Variants in NEDD1 observed in about 807,000 individuals in gnomAD.
NEDD1 encodes the protein NEDD1 gamma-tubulin ring complex targeting factor, also known as protein NEDD1.
NEDD1 carries 33 observed loss-of-function variants against 74.0 expected under a neutral mutation model. The ratio of observed to expected loss-of-function variants is 0.45; its 90% confidence interval spans 0.34 to 0.60. The LOEUF (loss-of-function observed/expected upper bound fraction) is 0.60. NEDD1 is among the 20% of genes least tolerant of loss of function. NEDD1 has a pLI of 0.01. For missense variants in NEDD1, 746 were observed against 776.5 expected, an observed-to-expected ratio of 0.96 and a Z score of 0.47; for synonymous variants, 250 against 264.4, an observed-to-expected ratio of 0.95 and a Z score of 0.53.
intron 6 of NEDD1, among the ~76,000 whole-genome samples, chr12:96,925,412 C>T (rs1328033913): frequency 6.6e-6 from 1 of 152,146 alleles, no homozygotes; most frequent in Non-Finnish European, 1.5e-5. Flanking sequence ...TTGCTACTAA[C>T]TTGTGAGGTA....
chr12:96,942,460 A>G lies in NEDD1; in HGVS notation c.1247-117A>G, dbSNP rs947361681. ...TATTCTCCTACCTTTAACATCACTCATATTTAGCTTTTTAAGATTGTTAGT... is the reference window on the plus strand; with the variant it reads ...TATTCTCCTACCTTTAACATCACTCGTATTTAGCTTTTTAAGATTGTTAGT... On this transcript the variant is annotated intron_variant, in intron 10 of 15. Coordinates refer to ENST00000266742, the MANE Select transcript of NEDD1 (RefSeq NM_152905.4). The G allele has an allele frequency of 8.4e-5, 56 of 664,546 alleles. No individual in the cohort carries two copies. In the Admixed American group the frequency reaches 1.4e-3, roughly 16 times the overall value. The allele number at this position is 664,546 out of a possible 1,614,324, so 41.2% of individuals were successfully genotyped here. A position where few individuals can be genotyped will look rare whatever the true frequency, so the allele number is the denominator to read the frequency against.
chr12:96,940,557 C>A lies in NEDD1; in HGVS notation c.1246+20C>A. On this transcript the variant is annotated intron_variant, in intron 10 of 15. Transcript: ENST00000266742. ...GAGATGGTAAGTCTGTTCAGAGGATCCTGTTCTCTTGCTGGTAGTTAATAT... is the reference window on the plus strand; with the variant it reads ...GAGATGGTAAGTCTGTTCAGAGGATACTGTTCTCTTGCTGGTAGTTAATAT... The A allele has an allele frequency of 6.4e-7, 1 of 1,556,070 alleles. No homozygotes were observed. The highest frequency in any genetic ancestry group is 8.8e-7 in the Non-Finnish European group (1 of 1,140,794).
chr12:96,935,832 AAC>A (rs1419181829), intron 7 of NEDD1, among the ~76,000 whole-genome samples: 1 of 150,342 alleles, frequency 6.7e-6, no homozygotes, highest in African/African-American at 2.5e-5. Flanking sequence ...AAAAAACAAA[AAC>A]AAAAACAAAA....
intron 4 of NEDD1, among the ~76,000 whole-genome samples, chr12:96,916,230 T>TTTATTATTATTATTA (rs140210892): frequency 4.5e-4 from 65 of 145,418 alleles, no homozygotes; most frequent in African/African-American, 1.1e-3. Flanking sequence ...CCGTTGAAGA[T>TTTATTATTATTATTA]TTATTATTAT....
chr12:96,937,503 A>G lies in NEDD1; in HGVS notation c.1117+110A>G, dbSNP rs1877252869. On this transcript the variant is annotated intron_variant, in intron 9 of 15. Transcript: ENST00000266742. Reference sequence around the variant, plus strand: ...CTTCAAGAACATAGAACTCAAATTTATTTGAGTACTTAGGTAAAATTAGTA... The same window carrying G: ...CTTCAAGAACATAGAACTCAAATTTGTTTGAGTACTTAGGTAAAATTAGTA... 5 of 504,886 alleles carry G rather than the reference A, an allele frequency of 9.9e-6. No homozygotes were observed. In the East Asian group the frequency reaches 1.6e-4, roughly 17 times the overall value. 31.3% of individuals were successfully genotyped at this position (504,886 alleles called of 1,614,324 possible). A position where few individuals can be genotyped will look rare whatever the true frequency, so the allele number is the denominator to read the frequency against.
intron 6 of NEDD1, among the ~76,000 whole-genome samples, chr12:96,930,584 C>T (rs1876349997): frequency 6.6e-6 from 1 of 152,046 alleles, no homozygotes; most frequent in African/African-American, 2.4e-5. Context: ...AGTCCACTGC[C>T]TAACACATAC....
At chr12:96,950,293 G>C (rs962275366) in intron 14 of NEDD1, among the ~76,000 whole-genome samples, 10 of 151,962 alleles carry the variant, frequency 6.6e-5, no homozygotes, top group African/African-American at 2.4e-4. Flanking sequence ...TGATGATATA[G>C]AGCAAGAAGA....
chr12:96,926,498 T>C (rs1335057464), intron 6 of NEDD1, among the ~76,000 whole-genome samples: 1 of 152,170 alleles, frequency 6.6e-6, no homozygotes, highest in African/African-American at 2.4e-5. Context: ...GTTTTCATGA[T>C]TTTACATACT....
At chr12:96,942,726 A>T in intron 11 of NEDD1, 102 bp downstream of exon 11, 2 of 683,234 alleles carry the variant, frequency 2.9e-6, no homozygotes, top group Non-Finnish European at 5.2e-6. Flanking sequence ...AAAAAAATAA[A>T]CATTTATCGT....
chr12:96,936,658 T>C lies in NEDD1; in HGVS notation c.767T>C (p.Phe256Ser). The C allele has an allele frequency of 6.2e-7, 1 of 1,613,922 alleles. No individual in the cohort carries two copies. Among genetic ancestry groups the C allele is most frequent in the Non-Finnish European group, 8.5e-7 (1 of 1,179,850 alleles). The change falls in exon 8 of 16, where the codon TTC (phenylalanine) becomes TCC (serine). Residue 256 changes from phenylalanine (F) to serine (S), a missense_variant. Coordinates refer to ENST00000266742, the MANE Select transcript of NEDD1 (RefSeq NM_152905.4). Reference sequence around the variant, plus strand: ...GACACTCCTCTAACTGCGGTAGATTTCATGCCTGATGGAGCCACTTTGGCT... The same window carrying C: ...GACACTCCTCTAACTGCGGTAGATTCCATGCCTGATGGAGCCACTTTGGCT... ...VADTPLTAVD[F>S]MPDGATLAIG...
At chr12:96,915,604 C>T (rs1565786730) in intron 4 of NEDD1, among the ~76,000 whole-genome samples, 1 of 152,134 alleles carries the variant, frequency 6.6e-6, no homozygotes, top group African/African-American at 2.4e-5. Context: ...TTTGAAGAAT[C>T]CAAGGATGCA....
Position 96,945,862 on chromosome 12 carries a change from A to G in NEDD1, c.1811+13A>G. ...TGGATGACTTTAGGTAGTAATTGAG[A>G]AACTACTCCTTCTATCTAGACCTTA... On this transcript the variant is annotated intron_variant, in intron 14 of 15. Coordinates refer to ENST00000266742, the MANE Select transcript of NEDD1 (RefSeq NM_152905.4). 6.4e-7 allele frequency: 1 copy of G among 1,559,978 alleles called. No individual in the cohort carries two copies. Among genetic ancestry groups the G allele is most frequent in the African/African-American group, 1.4e-5 (1 of 73,656 alleles).
At position 96,937,336 on chromosome 12, in the gene NEDD1, C is replaced by A. The variant is rs749230650; in HGVS notation, c.1060C>A (p.Pro354Thr). 6.2e-7 allele frequency: 1 copy of A among 1,612,112 alleles called. No individual in the cohort carries two copies. Among genetic ancestry groups the A allele is most frequent in the Non-Finnish European group, 8.5e-7 (1 of 1,178,806 alleles). The change falls in exon 9 of 16, where the codon CCA becomes ACA. Residue 354 changes from proline to threonine, a missense_variant. Physicochemically the swap from Pro to Thr is conservative, Grantham distance 38 (BLOSUM62 -1). Coordinates refer to ENST00000266742, the MANE Select transcript of NEDD1 (RefSeq NM_152905.4). Reference sequence around the variant, plus strand: ...TGCCACGTCCATTGCCACAGTTCTACCACAACCTATGACATCAGCTATGGG... The same window carrying A: ...TGCCACGTCCATTGCCACAGTTCTAACACAACCTATGACATCAGCTATGGG... Reference protein sequence around the residue: ...APATSIATVLPQPMTSAMGKG... With the variant: ...APATSIATVLTQPMTSAMGKG...
At chr12:96,920,806 A>C (rs375472744) in intron 6 of NEDD1, among the ~76,000 whole-genome samples, 1 of 152,170 alleles carries the variant, frequency 6.6e-6, no homozygotes, top group African/African-American at 2.4e-5. Flanking sequence ...CTTTGGCCAT[A>C]ACTATTATAA....
chr12:96,937,432 T>A, intron 9 of NEDD1, 39 bp downstream of exon 9: 1 of 1,165,230 alleles, frequency 8.6e-7, no homozygotes, highest in Non-Finnish European at 1.2e-6. Flanking sequence ...GTTGGTTTGT[T>A]TTTTTTTTGT....
chr12:96,935,338 T>C, intron 7 of NEDD1, 133 bp downstream of exon 7: 2 of 614,554 alleles, frequency 3.3e-6, no homozygotes, highest in Non-Finnish European at 2.9e-6. Context: ...ATGGATCTAG[T>C]AAGAAAGAAT....
chr12:96,912,220 T>C (rs1444598149), intron 3 of NEDD1, among the ~76,000 whole-genome samples: 2 of 152,058 alleles, frequency 1.3e-5, no homozygotes, highest in African/African-American at 4.8e-5. Flanking sequence ...GATTGAAACA[T>C]TCTATCACAA....
intron 8 of NEDD1, 69 bp from the exon 9 acceptor site, chr12:96,937,129 T>G (rs1412090018): frequency 1.2e-6 from 1 of 847,956 alleles, no homozygotes; most frequent in African/African-American, 1.8e-5. Flanking sequence ...AACAGGGAAT[T>G]TATAAAATAT....
chr12:96,943,452 C>T (rs1877866405), intron 11 of NEDD1, 108 bp from the exon 12 acceptor site: 5 of 733,652 alleles, frequency 6.8e-6, no homozygotes, highest in Admixed American at 2.3e-5. Flanking sequence ...CTTCAGAATG[C>T]AGATCCATAT....
Sources: gnomAD v4.1 joint callset for allele counts (sites outside exome capture counted in the v4.1 genomes callset) on GRCh38, gnomAD v4.1.1 for gene constraint, MANE v1.5 for transcripts, NCBI Gene and HGNC (gene_info 2026-07-23, HGNC 2026-07-21) for gene names.